LRFN2: variants seen among roughly 807,000 people sequenced by gnomAD.
LRFN2 encodes leucine rich repeat and fibronectin type III domain containing 2.
In LRFN2, 18 loss-of-function variants were observed where a neutral mutation model predicts 37.3. The ratio of observed to expected loss-of-function variants is 0.48; its 90% CI spans 0.33 to 0.72. The LOEUF (loss-of-function observed/expected upper bound fraction) is 0.72. Among genes scored for constraint, LRFN2 ranks in the 30% least tolerant of loss-of-function variants. The pLI, the probability that LRFN2 is intolerant of heterozygous loss-of-function variation, is 0.02. For missense variants in LRFN2, 1,006 were observed against 1,060.7 expected (o/e 0.95, Z 0.72); for synonymous variants, 556 against 466.6 (o/e 1.19, Z -2.47).
intron 1 of LRFN2, among the ~76,000 whole-genome samples, chr6:40,503,660 T>G (rs1685987628): frequency 2.0e-5 from 3 of 151,938 alleles, no homozygotes; most frequent in African/African-American, 7.3e-5. Context: ...CAAGAACAGA[T>G]GAGATTGCCC....
rs140314366 is a variant in LRFN2, at chr6:40,555,552, C to A, written c.-19+31389G>T. ...AGATCCCCCTCCTCACATGCCACTG[C>A]TCCAGGGTGCAGGAGGAGGAGTCTG... is the stretch of plus-strand genomic sequence containing the variant. On this transcript the variant is annotated intron_variant, in intron 1 of 2. Coordinates refer to ENST00000338305, the MANE Select transcript of LRFN2 (RefSeq NM_020737.3). Among the ~76,000 whole-genome samples, 485 of 152,306 alleles carry A rather than the reference C, an allele frequency of 3.2e-3. 7 individuals carry two copies. In the Middle Eastern group the frequency reaches 0.048, roughly 15 times the overall value.
In LRFN2 at chr6:40,507,125, G is replaced by A. The variant is rs149472701; in HGVS notation, c.-18-73994C>T. ...CCTCCGCCCTTGGATGTGGAGTCAG[G>A]ATCCTGGGGATGGATGCCAACTCAA... On this transcript the variant is annotated intron_variant, in intron 1 of 2. Transcript: ENST00000338305. 6.3e-3 allele frequency among the ~76,000 whole-genome samples: 964 copies of A among 152,282 alleles called. 5 individuals are homozygous for A. The highest frequency in any genetic ancestry group is 0.022 in the African/African-American group (914 of 41,548).
intron 1 of LRFN2, among the ~76,000 whole-genome samples, chr6:40,452,436 T>C (rs1764131877): frequency 5.9e-5 from 9 of 152,210 alleles, no homozygotes; most frequent in Admixed American, 5.9e-4. Context: ...CAGTGGTGTC[T>C]CCAGTCAGTG....
intron 1 of LRFN2, among the ~76,000 whole-genome samples, chr6:40,552,404 G>A (rs1056427458): frequency 6.6e-6 from 1 of 152,200 alleles, no homozygotes; most frequent in Admixed American, 6.5e-5. Context: ...CAGTGCTTCT[G>A]CCCCGTGAAC....
chr6:40,422,606 G>T (rs1450438630), intron 2 of LRFN2, among the ~76,000 whole-genome samples: 1 of 152,138 alleles, frequency 6.6e-6, no homozygotes, highest in East Asian at 1.9e-4. Flanking sequence ...AATAGAGCTG[G>T]GTTCTGTGAA....
intron 1 of LRFN2, among the ~76,000 whole-genome samples, chr6:40,460,525 G>A (rs947093350): frequency 5.3e-5 from 8 of 152,198 alleles, no homozygotes; most frequent in South Asian, 2.1e-4. Context: ...TTCCCAAGCC[G>A]TGTACTAAGT....
At chr6:40,402,853 C>T (rs1762768380) in intron 2 of LRFN2, among the ~76,000 whole-genome samples, 1 of 152,204 alleles carries the variant, frequency 6.6e-6, no homozygotes, top group South Asian at 2.1e-4. Flanking sequence ...GGAGGACAAT[C>T]TCTCTACTTC....
intron 1 of LRFN2, among the ~76,000 whole-genome samples, chr6:40,443,776 A>G (rs991838167): frequency 2.6e-5 from 4 of 152,068 alleles, no homozygotes; most frequent in Non-Finnish European, 4.4e-5. Context: ...AGGGTGGGGG[A>G]ACAAAGAAGA....
chr6:40,480,827 A>G (rs992334679), intron 1 of LRFN2, among the ~76,000 whole-genome samples: 1 of 152,216 alleles, frequency 6.6e-6, no homozygotes, highest in Non-Finnish European at 1.5e-5. Context: ...ACAAGCGCTC[A>G]TTAAATGGTA....
intron 1 of LRFN2, among the ~76,000 whole-genome samples, chr6:40,509,979 G>A (rs557222447): frequency 1.3e-5 from 2 of 150,534 alleles, no homozygotes; most frequent in African/African-American, 2.4e-5. Context: ...GGTATGCCAC[G>A]GAACACTGGG....
chr6:40,442,196 G>A (rs1422067620), intron 1 of LRFN2, among the ~76,000 whole-genome samples: 1 of 152,202 alleles, frequency 6.6e-6, no homozygotes, highest in Non-Finnish European at 1.5e-5. Flanking sequence ...CTAGGAAGGG[G>A]CTAATGAAGG....
At chr6:40,407,626 CAGA>C (rs1762876116) in intron 2 of LRFN2, among the ~76,000 whole-genome samples, 1 of 152,208 alleles carries the variant, frequency 6.6e-6, no homozygotes, top group South Asian at 2.1e-4. Flanking sequence ...AGAAAAAATG[CAGA>C]AGGTGTCAGA....
chr6:40,576,078 A>G (rs1334911675), intron 1 of LRFN2, among the ~76,000 whole-genome samples: 1 of 152,200 alleles, frequency 6.6e-6, no homozygotes, highest in Non-Finnish European at 1.5e-5. Flanking sequence ...TTCCTGAGCT[A>G]CAGTTTCCTC....
At chr6:40,521,623 C>A (rs1381835134) in intron 1 of LRFN2, among the ~76,000 whole-genome samples, 1 of 152,218 alleles carries the variant, frequency 6.6e-6, no homozygotes, top group Non-Finnish European at 1.5e-5. Flanking sequence ...GCTCTGGGCT[C>A]TGCCCTTGAG....
chr6:40,523,505 ATT>A lies in LRFN2; in HGVS notation c.-19+63434_-19+63435del, dbSNP rs751179915. On this transcript the variant is annotated intron_variant, in intron 1 of 2. Coordinates refer to ENST00000338305, the MANE Select transcript of LRFN2 (RefSeq NM_020737.3). ...TAGGACCCTAAAGCATCTTTAGGTG[ATT>A]TTTTTTTTTTTTTTTTTTTTTTTTT... Among the ~76,000 whole-genome samples, 7 of 129,314 alleles carry A rather than the reference ATT, an allele frequency of 5.4e-5. No homozygotes were observed. In the East Asian group the frequency reaches 7.5e-4, roughly 14 times the overall value. 84.8% of individuals were successfully genotyped at this position (129,314 alleles called of 152,430 possible). A position where few individuals can be genotyped will look rare whatever the true frequency, so the allele number is the denominator to read the frequency against.
At chr6:40,404,762 G>A (rs1259174620) in intron 2 of LRFN2, among the ~76,000 whole-genome samples, 2 of 152,008 alleles carry the variant, frequency 1.3e-5, no homozygotes, top group Non-Finnish European at 2.9e-5. Flanking sequence ...TTCACACAAG[G>A]GATGAATTTG....
chr6:40,500,257 C>T (rs1303700891), intron 1 of LRFN2, among the ~76,000 whole-genome samples: 1 of 152,258 alleles, frequency 6.6e-6, no homozygotes, highest in African/African-American at 2.4e-5. Flanking sequence ...CAGGGGAAGG[C>T]CCCCTTGCCC....
chr6:40,502,189 TGAA>T (rs1329990868), intron 1 of LRFN2: 4 of 152,142 alleles, frequency 2.6e-5, no homozygotes, highest in African/African-American at 9.7e-5. Context: ...ACTTTGCTGG[TGAA>T]GAAGATGAAG....
chr6:40,424,406 G>C (rs535504224), intron 2 of LRFN2, among the ~76,000 whole-genome samples: 3 of 152,164 alleles, frequency 2.0e-5, no homozygotes, highest in Non-Finnish European at 4.4e-5. Flanking sequence ...CCCCACAGCA[G>C]GTACATAGCA....
Sources: allele counts gnomAD v4.1 joint callset (sites outside exome capture counted in the v4.1 genomes callset), GRCh38; gene constraint gnomAD v4.1.1; transcripts MANE v1.5; gene names NCBI Gene and HGNC (gene_info 2026-07-23, HGNC 2026-07-21).